The following SDR42E2 variants were observed in gnomAD, a reference collection of about 807,000 sequenced individuals.
The protein encoded by SDR42E2 is short chain dehydrogenase/reductase family 42E, member 2, also known as putative short-chain dehydrogenase/reductase family 42E member 2.
Under a neutral mutation model 10.5 loss-of-function variants are expected in SDR42E2, and 20 were observed. The observed-to-expected ratio is 1.90, with a 90% CI of 1.34 to 2.77. The LOEUF (loss-of-function observed/expected upper bound fraction) is 2.77, where lower values mean the gene tolerates loss of function less well. Among genes scored for constraint, SDR42E2 ranks in the 30% most tolerant of loss-of-function variants. The pLI is 0.00. For missense variants in SDR42E2, 162 were observed against 104.2 expected, an observed-to-expected ratio of 1.55 and a Z score of -2.42; for synonymous variants, 72 against 39.2, an observed-to-expected ratio of 1.84 and a Z score of -3.12.
intron 7 of SDR42E2, among the ~76,000 whole-genome samples, chr16:22,175,515 A>T (rs1318315567): frequency 4.7e-5 from 7 of 149,888 alleles, no homozygotes; most frequent in African/African-American, 1.5e-4. Flanking sequence ...GTACTCCCAG[A>T]GGCTCAAGTA....
chr16:22,182,712 A>G lies in SDR42E2; in HGVS notation c.876+435A>G, dbSNP rs185501926. ...CCAGAAGATTTCACGTCAAAAACCA[A>G]CTCTTTGCCCAGTGAGGTGGCTCAC... On this transcript the variant is annotated intron_variant, in intron 10 of 12. Transcript: ENST00000602312. Among the ~76,000 whole-genome samples the G allele has an allele frequency of 3.5e-4, 53 of 152,000 alleles. No homozygotes were observed. The East Asian group carries it at 6.2e-3, about 18-fold the overall frequency.
At chr16:22,170,781 C>G (rs1418898419) in intron 5 of SDR42E2, 52 bp from the exon 6 acceptor site, 6 of 702,182 alleles carry the variant, frequency 8.5e-6, no homozygotes, top group Admixed American at 8.0e-5. Context: ...GTGTCTGTGT[C>G]TTTGCATGTG....
intron 2 of SDR42E2, 40 bp downstream of exon 2, chr16:22,165,677 T>TCTCA: frequency 5.0e-6 from 2 of 401,426 alleles, no homozygotes; most frequent in Non-Finnish European, 8.8e-6. Context: ...TGTGGAGAGG[T>TCTCA]CTCAGGTCCA....
Position 22,173,738 on chromosome 16 carries a change from T to G in SDR42E2, c.589+1407T>G, listed in dbSNP as rs559832260. 2.4e-4 allele frequency among the ~76,000 whole-genome samples: 36 copies of G among 151,820 alleles called. No individual in the cohort carries two copies. The East Asian group carries it at 6.4e-3, about 27-fold the overall frequency. On this transcript the variant is annotated intron_variant, in intron 7 of 12. Transcript: ENST00000602312. ...TTCGTGCTATCCAAATTATCACTATTTGGGCCGGTACAGTGGCTCACGCCT... is the reference window on the plus strand; with the variant it reads ...TTCGTGCTATCCAAATTATCACTATGTGGGCCGGTACAGTGGCTCACGCCT...
chr16:22,183,947 A>C (rs1477094215), intron 10 of SDR42E2, among the ~76,000 whole-genome samples: 1 of 152,036 alleles, frequency 6.6e-6, no homozygotes. Flanking sequence ...AAAAAAAAAA[A>C]AAAAATTTTA....
At chr16:22,170,349 C>T (rs1330953928) in intron 5 of SDR42E2, among the ~76,000 whole-genome samples, 1 of 151,846 alleles carries the variant, frequency 6.6e-6, no homozygotes, top group African/African-American at 2.4e-5. Flanking sequence ...AGTGAAACTC[C>T]GTCTCAATAA....
chr16:22,163,271 T>C (rs2046510746), intron 1 of SDR42E2, among the ~76,000 whole-genome samples: 1 of 152,156 alleles, frequency 6.6e-6, no homozygotes, highest in Non-Finnish European at 1.5e-5. Context: ...GAAAGTCAGC[T>C]CTGGTCCCAT....
chr16:22,191,261 G>C lies in SDR42E2; in HGVS notation c.*868G>C, dbSNP rs1598148946. The C allele has an allele frequency of 3.3e-5, 5 of 150,670 alleles. 1 individual carries two copies. In the Admixed American group the frequency reaches 3.3e-4, roughly 10 times the overall value. The allele number at this position is 150,670 out of a possible 1,614,324, so 9.3% of individuals were successfully genotyped here. On this transcript the variant is annotated 3_prime_UTR_variant, in exon 13 of 13. Transcript: ENST00000602312. ...CCCCGCGCGCTTGAGCCCACCCTTT[G>C]GCTTCTCCTTTTGGGTCTGTCCTTG... is the stretch of plus-strand genomic sequence containing the variant.
At chr16:22,187,826 G>A (rs527264904) in intron 12 of SDR42E2, among the ~76,000 whole-genome samples, 1 of 151,992 alleles carries the variant, frequency 6.6e-6, no homozygotes, top group East Asian at 1.9e-4. Flanking sequence ...AGTCGGGCAC[G>A]GTGGCTCACA....
chr16:22,183,529 G>C (rs1292478481), intron 10 of SDR42E2, among the ~76,000 whole-genome samples: 1 of 152,172 alleles, frequency 6.6e-6, no homozygotes, highest in Non-Finnish European at 1.5e-5. Flanking sequence ...TGTCCTCTCT[G>C]AGCAGCCCAG....
At chr16:22,175,545 T>TA (rs1567241142) in intron 7 of SDR42E2, among the ~76,000 whole-genome samples, 1 of 151,294 alleles carries the variant, frequency 6.6e-6, no homozygotes. Flanking sequence ...CCTTCCTTTT[T>TA]TTTTTTTTTT....
chr16:22,171,089 G>A (rs2046596202), intron 6 of SDR42E2, 138 bp downstream of exon 6: 1 of 649,434 alleles, frequency 1.5e-6, no homozygotes, highest in Non-Finnish European at 2.8e-6. Context: ...AAACTGGGTG[G>A]CGTCAGCACT....
intron 4 of SDR42E2, 106 bp from the exon 5 acceptor site, chr16:22,169,339 C>T (rs2046573383): frequency 1.5e-6 from 1 of 688,934 alleles, no homozygotes; most frequent in Middle Eastern, 3.1e-4. Flanking sequence ...TGCCTCTGAA[C>T]TGAACATCCT....
intron 7 of SDR42E2, among the ~76,000 whole-genome samples, chr16:22,174,428 G>C (rs2046627485): frequency 6.6e-6 from 1 of 151,976 alleles, no homozygotes; most frequent in Admixed American, 6.6e-5. Context: ...GGTAGAGGTG[G>C]GATTTGAACC....
At chr16:22,184,475 G>A (rs535395393) in intron 11 of SDR42E2, among the ~76,000 whole-genome samples, 17 of 152,240 alleles carry the variant, frequency 1.1e-4, no homozygotes, top group African/African-American at 3.6e-4. Context: ...GGTGGCGCAC[G>A]CCTGTATTCC....
intron 8 of SDR42E2, among the ~76,000 whole-genome samples, chr16:22,181,098 A>G (rs1458213268): frequency 6.6e-6 from 1 of 152,194 alleles, no homozygotes; most frequent in African/African-American, 2.4e-5. Context: ...TTAGGAAGCA[A>G]CTGTGGCGTC....
At chr16:22,171,511 T>G (rs2046600748) in intron 6 of SDR42E2, among the ~76,000 whole-genome samples, 1 of 152,124 alleles carries the variant, frequency 6.6e-6, no homozygotes, top group African/African-American at 2.4e-5. Flanking sequence ...GTGCTGGGAT[T>G]ACAGGCGTGT....
At chr16:22,172,664 A>C (rs1408742307) in intron 7 of SDR42E2, among the ~76,000 whole-genome samples, 2 of 152,204 alleles carry the variant, frequency 1.3e-5, no homozygotes, top group Non-Finnish European at 2.9e-5. Context: ...TTTAGACAAA[A>C]GAGTACCAAA....
Position 22,166,287 on chromosome 16 carries a change from T to G in SDR42E2, c.93T>G (p.Ala31=). The G allele has an allele frequency of 2.5e-6, 1 of 402,256 alleles. No individual in the cohort carries two copies. Among genetic ancestry groups the G allele is most frequent in the Admixed American group, 4.4e-5 (1 of 22,768 alleles). The allele number at this position is 402,256 out of a possible 1,614,324, so 24.9% of individuals were successfully genotyped here. A position where few individuals can be genotyped will look rare whatever the true frequency, so the allele number is the denominator to read the frequency against. The stretch of plus-strand genomic sequence containing the variant: ...AGACTCAAGCCAAACCTACAAAGGC[T>G]GCCAGGCAGAAGGTTCTAGTGACTG... ...QQKTQAKPTK[A]ARQKVLVTGG... Residue 31 remains alanine (A), a synonymous_variant, in exon 3 of 13, where the codon GCT becomes GCG. Coordinates refer to ENST00000602312, the MANE Select transcript of SDR42E2 (RefSeq NM_001394319.2).
Sources: gnomAD v4.1 joint callset for allele counts (sites outside exome capture counted in the v4.1 genomes callset) on GRCh38, gnomAD v4.1.1 for gene constraint, MANE v1.5 for transcripts, NCBI Gene and HGNC (gene_info 2026-07-23, HGNC 2026-07-21) for gene names.